Variants in FOXN3 observed in about 807,000 individuals in gnomAD.
The protein encoded by FOXN3 is forkhead box N3, also known as forkhead box protein N3.
A neutral mutation model predicts 38.4 loss-of-function variants in FOXN3; 7 were observed. That is an observed-to-expected ratio of 0.18 (90% CI 0.10 to 0.34). The LOEUF (loss-of-function observed/expected upper bound fraction) is 0.34. FOXN3 is among the 10% of genes least tolerant of loss of function. The pLI is 1.00. For missense variants in FOXN3, 456 were observed against 613.4 expected (o/e 0.74, Z 2.71); for synonymous variants, 230 against 242.2 (o/e 0.95, Z 0.47).
At chr14:89,210,885 T>G (rs1884069762) in intron 4 of FOXN3, among the ~76,000 whole-genome samples, 1 of 152,208 alleles carries the variant, frequency 6.6e-6, no homozygotes, top group African/African-American at 2.4e-5. Flanking sequence ...CACTTCATTT[T>G]GCTTTATTTT....
At chr14:89,251,989 G>A (rs1475149969) in intron 4 of FOXN3, among the ~76,000 whole-genome samples, 1 of 152,204 alleles carries the variant, frequency 6.6e-6, no homozygotes, top group African/African-American at 2.4e-5. Context: ...AGTAGGCTTT[G>A]GCTGAAACAG....
intron 1 of FOXN3, among the ~76,000 whole-genome samples, chr14:89,470,329 C>A (rs1402719289): frequency 2.0e-5 from 3 of 151,464 alleles, no homozygotes; most frequent in East Asian, 3.9e-4. Context: ...CAGTTCTACT[C>A]TTTTTCTTAT....
At position 89,494,955 on chromosome 14, in the gene FOXN3, C is replaced by A. The variant is rs1367019583; in HGVS notation, c.-14-82465G>T. On this transcript the variant is annotated intron_variant, in intron 1 of 6. Coordinates refer to the FOXN3 transcript ENST00000345097. The stretch of plus-strand genomic sequence containing the variant: ...TTTTGCTTCAAGTTCATATCTCTGT[C>A]CTTATCAATGCTTGGACCTGTGAAG... Among the ~76,000 whole-genome samples, 3 of 152,198 alleles carry A rather than the reference C, an allele frequency of 2.0e-5. No individual in the cohort carries two copies. In the East Asian group the frequency reaches 5.8e-4, roughly 29 times the overall value.
At chr14:89,329,983 T>C (rs945645398) in intron 3 of FOXN3, among the ~76,000 whole-genome samples, 1 of 150,758 alleles carries the variant, frequency 6.6e-6, no homozygotes, top group African/African-American at 2.4e-5. Flanking sequence ...AAGATCATTA[T>C]CATGATGTGT....
intron 2 of FOXN3, among the ~76,000 whole-genome samples, chr14:89,380,766 C>T (rs1051829027): frequency 6.6e-6 from 1 of 152,208 alleles, no homozygotes; most frequent in African/African-American, 2.4e-5. Flanking sequence ...AGAATCACTA[C>T]TGAAGATGCT....
chr14:89,471,973 C>T (rs568820316), intron 1 of FOXN3, among the ~76,000 whole-genome samples: 4 of 152,202 alleles, frequency 2.6e-5, no homozygotes, highest in African/African-American at 4.8e-5. Context: ...AAGAAACTTC[C>T]GGCCAGGTGT....
At chr14:89,401,182 C>G (rs1053689070) in intron 2 of FOXN3, among the ~76,000 whole-genome samples, 3 of 152,222 alleles carry the variant, frequency 2.0e-5, no homozygotes, top group African/African-American at 7.2e-5. Flanking sequence ...TGGCTCATGC[C>G]TGTAATCCCA....
rs1209010099 is a variant in FOXN3, at chr14:89,315,356, G to A, written c.681-34342C>T. ...CTTTAACGTCGGCATAACCCTGAAA[G>A]GATATACAGTGAAAATAAGATCGTT... On this transcript the variant is annotated intron_variant, in intron 3 of 5. Transcript: ENST00000557258. 2.6e-5 allele frequency among the ~76,000 whole-genome samples: 4 copies of A among 152,130 alleles called. No individual in the cohort carries two copies. The East Asian group carries it at 7.7e-4, about 29-fold the overall frequency.
At position 89,349,924 on chromosome 14, in the gene FOXN3, T is replaced by A. The variant is rs185157141; in HGVS notation, c.680+748A>T. On this transcript the variant is annotated intron_variant, in intron 3 of 5. Transcript: ENST00000557258. ...CGATAGAAACATTTCTATACATTTT[T>A]AAATATTTTTTTGTAGAACTGAGGA... 5.6e-3 allele frequency among the ~76,000 whole-genome samples: 856 copies of A among 152,354 alleles called. 4 individuals are homozygous for A. The highest frequency in any genetic ancestry group is 0.02 in the Middle Eastern group (6 of 294).
At chr14:89,319,148 A>G (rs2139970097) in intron 3 of FOXN3, among the ~76,000 whole-genome samples, 1 of 152,344 alleles carries the variant, frequency 6.6e-6, no homozygotes, top group African/African-American at 2.4e-5. Flanking sequence ...GTGAAGAGAA[A>G]GACCTGAGGA....
At chr14:89,295,170 T>C (rs1034987620) in intron 3 of FOXN3, among the ~76,000 whole-genome samples, 1 of 152,188 alleles carries the variant, frequency 6.6e-6, no homozygotes. Context: ...CTCCGCTGCA[T>C]GAAATGCCCT....
chr14:89,608,262 C>T (rs1162296199), intron 1 of FOXN3, among the ~76,000 whole-genome samples: 1 of 152,256 alleles, frequency 6.6e-6, no homozygotes, highest in African/African-American at 2.4e-5. Context: ...TCCCAAAGTG[C>T]TGGGATTACA....
intron 2 of FOXN3, among the ~76,000 whole-genome samples, chr14:89,369,546 AT>A (rs35049896): frequency 0.63 from 94,530 of 150,068 alleles, 29,704 homozygotes; most frequent in East Asian, 0.71. Context: ...AGACTGGGTA[AT>A]TTTTTTTTTT....
At chr14:89,262,739 A>AC (rs1555413677) in intron 4 of FOXN3, among the ~76,000 whole-genome samples, 1 of 151,636 alleles carries the variant, frequency 6.6e-6, no homozygotes, top group African/African-American at 2.4e-5. Flanking sequence ...AATGATGCTA[A>AC]TTTTTTTTTA....
intron 3 of FOXN3, among the ~76,000 whole-genome samples, chr14:89,312,888 T>A (rs1426121653): frequency 6.6e-6 from 1 of 152,188 alleles, no homozygotes; most frequent in African/African-American, 2.4e-5. Context: ...CACTACCGAC[T>A]GCCCTGTAAG....
chr14:89,365,512 T>C (rs1890113410), intron 2 of FOXN3, among the ~76,000 whole-genome samples: 1 of 152,218 alleles, frequency 6.6e-6, no homozygotes, highest in Non-Finnish European at 1.5e-5. Flanking sequence ...GTGGCATCTT[T>C]AAAATCACTA....
chr14:89,261,895 C>T (rs905100545), intron 4 of FOXN3, among the ~76,000 whole-genome samples: 2 of 152,156 alleles, frequency 1.3e-5, no homozygotes, highest in Non-Finnish European at 2.9e-5. Context: ...GTCAACTGCA[C>T]TCCAGTCTGG....
intron 3 of FOXN3, among the ~76,000 whole-genome samples, chr14:89,311,083 G>A (rs1309233167): frequency 1.4e-5 from 2 of 139,920 alleles, no homozygotes; most frequent in African/African-American, 5.5e-5. Flanking sequence ...TCCAGCCTGG[G>A]CAACAATCGC....
At position 89,611,970 on chromosome 14, in the gene FOXN3, A is replaced by G. The variant is rs545751920; in HGVS notation, c.-15+7058T>C. On this transcript the variant is annotated intron_variant, in intron 1 of 6. Coordinates refer to the FOXN3 transcript ENST00000345097. ...CCCATCCTGCTTTTTCTTCCCCCCG[A>G]AGGGAACTCCATTTTCTGTGTGGAA... is the stretch of plus-strand genomic sequence containing the variant. 1.4e-4 allele frequency among the ~76,000 whole-genome samples: 22 copies of G among 152,220 alleles called. 1 individual carries two copies. In the South Asian group the frequency reaches 4.4e-3, roughly 30 times the overall value.
Sources: allele counts gnomAD v4.1 joint callset (sites outside exome capture counted in the v4.1 genomes callset), GRCh38; gene constraint gnomAD v4.1.1; transcripts MANE v1.5; gene names NCBI Gene and HGNC (gene_info 2026-07-23, HGNC 2026-07-21).